SHTN1: variants seen among roughly 807,000 people sequenced by gnomAD.
The protein encoded by SHTN1 is shootin 1.
SHTN1 carries 42 observed loss-of-function variants against 83.1 expected under a neutral mutation model. The observed-to-expected ratio is 0.51, with a 90% confidence interval of 0.39 to 0.65. The LOEUF (loss-of-function observed/expected upper bound fraction) is 0.65. Among genes scored for constraint, SHTN1 ranks in the 30% least tolerant of loss-of-function variants. SHTN1 has a pLI of 0.00. For synonymous variants in SHTN1, 224 were observed against 247.7 expected (o/e 0.90, Z 0.90); for missense variants, 622 against 737.8 (o/e 0.84, Z 1.82).
chr10:116,932,162 C>G (rs1298660761), intron 9 of SHTN1, among the ~76,000 whole-genome samples: 4 of 152,204 alleles, frequency 2.6e-5, no homozygotes, highest in Non-Finnish European at 5.9e-5. Context: ...AGCTCCCAAT[C>G]AGTCACATGA....
At chr10:117,028,634 G>C (rs1409682424) in intron 2 of SHTN1, among the ~76,000 whole-genome samples, 1 of 152,036 alleles carries the variant, frequency 6.6e-6, no homozygotes, top group South Asian at 2.1e-4. Context: ...GGTTCAAAGG[G>C]GCCCAGGTAC....
chr10:117,052,306 T>C (rs550773084), intron 1 of SHTN1, among the ~76,000 whole-genome samples: 3 of 152,130 alleles, frequency 2.0e-5, no homozygotes, highest in African/African-American at 4.8e-5. Context: ...AGACAATCCA[T>C]GTTCATGTAC....
intron 2 of SHTN1, among the ~76,000 whole-genome samples, chr10:116,969,625 G>A (rs1850532547): frequency 6.6e-6 from 1 of 152,156 alleles, no homozygotes; most frequent in Non-Finnish European, 1.5e-5. Context: ...ATTTAAAAAG[G>A]TGGGAGAACT....
At chr10:117,076,293 G>A (rs1853152836) in intron 1 of SHTN1, among the ~76,000 whole-genome samples, 1 of 152,136 alleles carries the variant, frequency 6.6e-6, no homozygotes, top group Non-Finnish European at 1.5e-5. Context: ...AGTGACAGTA[G>A]GGGTAGAAAG....
Position 116,954,158 on chromosome 10 carries a change from T to C in SHTN1, c.320A>G (p.Lys107Arg). 6.2e-7 allele frequency: 1 copy of C among 1,613,728 alleles called. No individual in the cohort carries two copies. The highest frequency in any genetic ancestry group is 8.5e-7 in the Non-Finnish European group (1 of 1,179,764). Residue 107 changes from lysine (K) to arginine (R), a missense_variant, in exon 5 of 17, where the codon AAG (lysine) becomes AGG (arginine). This residue lies in a region of SHTN1 where 383 missense variants were observed against 455.8 expected (regional missense o/e 0.84). Transcript: ENST00000355371. Reference sequence around the variant, plus strand: ...TTCAGTTATTACATCTGGTCCCAGCTTGGCCATGTACAACATGCTGATTCT... The same window carrying C: ...TTCAGTTATTACATCTGGTCCCAGCCTGGCCATGTACAACATGCTGATTCT... ...LKRISMLYMAKLGPDVITEEI... is the reference protein window; with the variant it reads ...LKRISMLYMARLGPDVITEEI...
intron 15 of SHTN1, among the ~76,000 whole-genome samples, chr10:116,904,656 G>C (rs549870057): frequency 1.1e-4 from 16 of 152,132 alleles, no homozygotes; most frequent in African/African-American, 3.6e-4. Context: ...TACATTAAGT[G>C]AAAAATTCCC....
At chr10:117,043,930 T>C (rs1852624513) in intron 2 of SHTN1, among the ~76,000 whole-genome samples, 1 of 152,074 alleles carries the variant, frequency 6.6e-6, no homozygotes, top group African/African-American at 2.4e-5. Context: ...GAATTGTATA[T>C]ATGGAAAAGA....
At chr10:117,125,704 T>G (rs1405845465) in intron 1 of SHTN1, among the ~76,000 whole-genome samples, 1 of 152,166 alleles carries the variant, frequency 6.6e-6, no homozygotes, top group Admixed American at 6.5e-5. Context: ...GATGCCCTGG[T>G]TAAGAACCCA....
At chr10:117,103,659 T>A (rs1853632061) in intron 1 of SHTN1, among the ~76,000 whole-genome samples, 1 of 143,776 alleles carries the variant, frequency 7.0e-6, no homozygotes, top group South Asian at 2.3e-4. Context: ...TGCCTCAGCC[T>A]CCCGAGAGCT....
upstream of SHTN1, chr10:117,005,343 G>A (rs1851981638): frequency 2.3e-6 from 3 of 1,288,294 alleles, no homozygotes; most frequent in South Asian, 5.4e-5. Context: ...ACGAGGGCGG[G>A]TCGGCAGCCG....
At chr10:117,068,424 A>G (rs1853034997) in intron 1 of SHTN1, among the ~76,000 whole-genome samples, 1 of 152,064 alleles carries the variant, frequency 6.6e-6, no homozygotes, top group East Asian at 1.9e-4. Flanking sequence ...CCAATATAGT[A>G]GTGGGCACCA....
intron 2 of SHTN1, among the ~76,000 whole-genome samples, chr10:117,017,459 C>G (rs1390381643): frequency 6.8e-6 from 1 of 146,242 alleles, no homozygotes; most frequent in Admixed American, 6.9e-5. Context: ...CCACTGCACT[C>G]CAGCCTGGGC....
chr10:116,974,853 G>A (rs1203099652), intron 2 of SHTN1, among the ~76,000 whole-genome samples: 1 of 141,882 alleles, frequency 7.0e-6, no homozygotes, highest in Non-Finnish European at 1.5e-5. Flanking sequence ...AAACCCAAAC[G>A]ATTATGATAA....
chr10:117,027,209 G>A (rs1852344775), intron 2 of SHTN1, among the ~76,000 whole-genome samples: 1 of 152,182 alleles, frequency 6.6e-6, no homozygotes, highest in African/African-American at 2.4e-5. Context: ...GGCCTGGTTG[G>A]AGGTGACTGG....
chr10:116,932,178 C>T (rs994612362), intron 9 of SHTN1, among the ~76,000 whole-genome samples: 2 of 152,146 alleles, frequency 1.3e-5, no homozygotes, highest in South Asian at 2.1e-4. Context: ...CATGATCATG[C>T]GAGTAAATAA....
chr10:117,109,008 G>C (rs1160721390), intron 1 of SHTN1, among the ~76,000 whole-genome samples: 1 of 152,212 alleles, frequency 6.6e-6, no homozygotes, highest in Non-Finnish European at 1.5e-5. Flanking sequence ...TATTGACTAA[G>C]ACACTAGTGG....
In SHTN1 at chr10:116,968,184, AAAAC is replaced by A. The variant is rs551461230; in HGVS notation, c.172+464_172+467del. 1.7e-4 allele frequency among the ~76,000 whole-genome samples: 26 copies of A among 152,328 alleles called. No individual in the cohort carries two copies. In the South Asian group the frequency reaches 4.6e-3, roughly 27 times the overall value. On this transcript the variant is annotated intron_variant, in intron 3 of 16. Transcript: ENST00000355371. ...TGACAGAGCGAGACTCCATCTCAAA[AAAAC>A]AAACAAACACAAAAACAAAAAACTG...
intron 8 of SHTN1, among the ~76,000 whole-genome samples, chr10:116,944,039 T>C (rs1280980217): frequency 6.6e-6 from 1 of 152,138 alleles, no homozygotes; most frequent in Non-Finnish European, 1.5e-5. Flanking sequence ...GGTGAAACGC[T>C]GAGATAATGA....
intron 10 of SHTN1, among the ~76,000 whole-genome samples, chr10:116,928,209 G>A (rs549163778): frequency 6.6e-6 from 1 of 152,146 alleles, no homozygotes; most frequent in South Asian, 2.1e-4. Context: ...TAACAACGAA[G>A]TATATGACTC....
Sources: allele counts gnomAD v4.1 joint callset (sites outside exome capture counted in the v4.1 genomes callset), GRCh38; gene constraint gnomAD v4.1.1; regional missense constraint gnomAD v4.1.1; transcripts MANE v1.5; gene names NCBI Gene and HGNC (gene_info 2026-07-23, HGNC 2026-07-21).